Variants in FGF10 observed in about 807,000 individuals in gnomAD.
FGF10 encodes FGF-10.
FGF10 carries 2 observed loss-of-function variants against 19.8 expected under a neutral mutation model. That is an observed-to-expected ratio of 0.10 (90% CI 0.04 to 0.32). The LOEUF is 0.32. Ranked by LOEUF, FGF10 falls within the 10% of genes least tolerant of loss-of-function variation. The probability of loss-of-function intolerance (pLI) is 1.00; values close to 1 mark genes in which losing one functional copy is unlikely to be tolerated. For missense variants in FGF10, 191 were observed against 246.3 expected, an observed-to-expected ratio of 0.78 and a Z score of 1.50; for synonymous variants, 112 against 94.0, an observed-to-expected ratio of 1.19 and a Z score of -1.10.
chr5:44,372,197 C>T (rs142831332), intron 1 of FGF10, among the ~76,000 whole-genome samples: 155 of 152,244 alleles, frequency 1.0e-3, no homozygotes, highest in African/African-American at 3.6e-3. Flanking sequence ...GCGTCCATTG[C>T]CTGCCTCTTT....
rs552967510 is a variant in FGF10 at position 44,381,478 on chromosome 5, A to AC, written c.325+6879_325+6880insG. ...AAACCAGATAAAAGTAATAAAAAAA[A>AC]AAACACACACAAAACCAAGAAGGTG... is the stretch of plus-strand genomic sequence containing the variant. On this transcript the variant is annotated intron_variant, in intron 1 of 2. Coordinates refer to ENST00000264664, the MANE Select transcript of FGF10 (RefSeq NM_004465.2). Among the ~76,000 whole-genome samples, 166 of 151,904 alleles carry AC rather than the reference A, an allele frequency of 1.1e-3. 1 individual carries two copies. The highest frequency in any genetic ancestry group is 4.0e-3 in the African/African-American group (165 of 41,558).
intron 1 of FGF10, among the ~76,000 whole-genome samples, chr5:44,366,232 C>T (rs1258926045): frequency 1.4e-5 from 2 of 147,664 alleles, no homozygotes; most frequent in Non-Finnish European, 3.0e-5. Flanking sequence ...ACATCTGGTC[C>T]CTGCATTTAA....
At chr5:44,358,221 C>A (rs1403856786) in intron 1 of FGF10, among the ~76,000 whole-genome samples, 1 of 151,502 alleles carries the variant, frequency 6.6e-6, no homozygotes, top group Admixed American at 6.6e-5. Flanking sequence ...TGTTCATTGG[C>A]TAATTTCTTC....
intron 2 of FGF10, 113 bp downstream of exon 2, chr5:44,310,314 C>T: frequency 1.4e-6 from 1 of 735,208 alleles, no homozygotes; most frequent in South Asian, 1.5e-5. Context: ...CACTGTGGCT[C>T]TATTTACTAG....
At chr5:44,314,139 G>T (rs1203946944) in intron 1 of FGF10, among the ~76,000 whole-genome samples, 1 of 151,960 alleles carries the variant, frequency 6.6e-6, no homozygotes, top group African/African-American at 2.4e-5. Context: ...AGGGTGGGAA[G>T]GCAAGAGCAA....
intron 1 of FGF10, among the ~76,000 whole-genome samples, chr5:44,363,932 G>T (rs1741547036): frequency 6.6e-6 from 1 of 151,724 alleles, no homozygotes; most frequent in South Asian, 2.1e-4. Context: ...CAACAAGTTT[G>T]CACCTGGTAA....
chr5:44,323,685 A>G (rs1025539276), intron 1 of FGF10, among the ~76,000 whole-genome samples: 3 of 152,200 alleles, frequency 2.0e-5, no homozygotes, highest in Admixed American at 1.3e-4. Context: ...ATCTATAAAG[A>G]AATTCCTAGA....
intron 1 of FGF10, among the ~76,000 whole-genome samples, chr5:44,330,956 T>G (rs1255179694): frequency 6.6e-6 from 1 of 152,148 alleles, no homozygotes; most frequent in Non-Finnish European, 1.5e-5. Context: ...AACAGTAATT[T>G]GCATTCATAT....
At chr5:44,308,620 G>C (rs1377319216) in intron 2 of FGF10, among the ~76,000 whole-genome samples, 1 of 152,058 alleles carries the variant, frequency 6.6e-6, no homozygotes, top group African/African-American at 2.4e-5. Flanking sequence ...ATAATGGTCT[G>C]TTATTCCTCT....
At chr5:44,357,546 C>T (rs939777119) in intron 1 of FGF10, among the ~76,000 whole-genome samples, 1 of 151,314 alleles carries the variant, frequency 6.6e-6, no homozygotes. Context: ...AATTAGTATC[C>T]CTGTTTTACA....
intron 1 of FGF10, among the ~76,000 whole-genome samples, chr5:44,380,905 A>C (rs759777406): frequency 6.6e-6 from 1 of 152,170 alleles, no homozygotes; most frequent in Non-Finnish European, 1.5e-5. Context: ...GCCTGAGCCC[A>C]GCAGGTTGAG....
At chr5:44,358,871 T>C (rs1400215210) in intron 1 of FGF10, among the ~76,000 whole-genome samples, 1 of 151,582 alleles carries the variant, frequency 6.6e-6, no homozygotes, top group African/African-American at 2.4e-5. Flanking sequence ...CTAAAATTGA[T>C]ACATCTACTT....
At chr5:44,354,522 G>A (rs561644470) in intron 1 of FGF10, among the ~76,000 whole-genome samples, 2 of 151,488 alleles carry the variant, frequency 1.3e-5, no homozygotes, top group Non-Finnish European at 3.0e-5. Context: ...AAAATCTTCA[G>A]AGACACTAAT....
chr5:44,318,084 A>G (rs1167645646), intron 1 of FGF10, among the ~76,000 whole-genome samples: 2 of 152,100 alleles, frequency 1.3e-5, no homozygotes, highest in Non-Finnish European at 1.5e-5. Context: ...CAAACAAACA[A>G]AAAAACAACA....
chr5:44,315,974 T>C (rs1004077151), intron 1 of FGF10, among the ~76,000 whole-genome samples: 1 of 152,174 alleles, frequency 6.6e-6, no homozygotes, highest in Non-Finnish European at 1.5e-5. Flanking sequence ...ATATTGGAAC[T>C]GGGCCACACA....
chr5:44,354,369 T>C (rs1741299706), intron 1 of FGF10, among the ~76,000 whole-genome samples: 1 of 151,542 alleles, frequency 6.6e-6, no homozygotes, highest in African/African-American at 2.4e-5. Flanking sequence ...TATTAAATCA[T>C]TAAAATAATA....
chr5:44,322,253 A>AATC (rs1395044997), intron 1 of FGF10, among the ~76,000 whole-genome samples: 2 of 152,318 alleles, frequency 1.3e-5, no homozygotes, highest in Admixed American at 6.5e-5. Context: ...CAACAAACTC[A>AATC]ATCTGTCACT....
At chr5:44,346,188 A>T (rs1741087050) in intron 1 of FGF10, among the ~76,000 whole-genome samples, 1 of 151,656 alleles carries the variant, frequency 6.6e-6, no homozygotes. Context: ...ACCCCCATTT[A>T]CAGTCAAACA....
rs557461854 is a variant in FGF10, at chr5:44,302,980, C to A, written c.*2015G>T. On this transcript the variant is annotated 3_prime_UTR_variant, in exon 3 of 3. Transcript: ENST00000264664. Reference sequence around the variant, plus strand: ...TTTAAAATAAAGGAAAAAAAGATACCTAGTTTTGATAGGAATGCATTACAT... The same window carrying A: ...TTTAAAATAAAGGAAAAAAAGATACATAGTTTTGATAGGAATGCATTACAT... Among the ~76,000 whole-genome samples, 2 of 152,172 alleles carry A rather than the reference C, an allele frequency of 1.3e-5. No homozygotes were observed. The highest frequency in any genetic ancestry group is 2.1e-4 in the South Asian group (1 of 4,822).
Sources: gnomAD v4.1 joint callset for allele counts (sites outside exome capture counted in the v4.1 genomes callset) on GRCh38, gnomAD v4.1.1 for gene constraint, MANE v1.5 for transcripts, NCBI Gene and HGNC (gene_info 2026-07-23, HGNC 2026-07-21) for gene names.